The following AUTS2 variants were observed in gnomAD, a reference collection of about 807,000 sequenced individuals.
The protein encoded by AUTS2 is activator of transcription and developmental regulator AUTS2.
In AUTS2, 17 loss-of-function variants were observed where a neutral mutation model predicts 112.4. The ratio of observed to expected loss-of-function variants is 0.15; its 90% CI spans 0.10 to 0.23. AUTS2 has a LOEUF of 0.23. AUTS2 is among the 10% of genes least tolerant of loss of function. AUTS2 has a pLI of 1.00. For missense variants in AUTS2, 1,510 were observed against 1,701.6 expected, an observed-to-expected ratio of 0.89 and a Z score of 1.98; for synonymous variants, 751 against 702.7, an observed-to-expected ratio of 1.07 and a Z score of -1.09.
At chr7:70,478,762 A>G (rs1201861558) in intron 5 of AUTS2, among the ~76,000 whole-genome samples, 1 of 148,442 alleles carries the variant, frequency 6.7e-6, no homozygotes, top group Non-Finnish European at 1.5e-5. Context: ...TTTTTGCTCC[A>G]GTTTTTTATT....
chr7:70,567,602 C>G (rs1033912195), intron 5 of AUTS2, among the ~76,000 whole-genome samples: 1 of 152,198 alleles, frequency 6.6e-6, no homozygotes, highest in Non-Finnish European at 1.5e-5. Flanking sequence ...ACTTTTAAAG[C>G]CAGGGAACAC....
At chr7:70,232,352 C>T (rs561181968) in intron 4 of AUTS2, among the ~76,000 whole-genome samples, 45 of 151,870 alleles carry the variant, frequency 3.0e-4, no homozygotes, top group African/African-American at 1.1e-3. Context: ...AGCATACATA[C>T]GTACAGTTTT....
chr7:70,128,209 C>A (rs1806080503), intron 3 of AUTS2, among the ~76,000 whole-genome samples: 2 of 152,104 alleles, frequency 1.3e-5, no homozygotes, highest in African/African-American at 2.4e-5. Flanking sequence ...TTTATGAATT[C>A]TCCTGGATAT....
At chr7:70,327,005 C>T (rs577845942) in intron 4 of AUTS2, among the ~76,000 whole-genome samples, 2 of 150,744 alleles carry the variant, frequency 1.3e-5, no homozygotes, top group South Asian at 4.2e-4. Context: ...GCAACCTCCA[C>T]CTTCTGGGTT....
chr7:70,032,821 G>C (rs1472111395), intron 2 of AUTS2, among the ~76,000 whole-genome samples: 1 of 151,674 alleles, frequency 6.6e-6, no homozygotes, highest in Non-Finnish European at 1.5e-5. Context: ...TTACTTTATT[G>C]CCTGGTCACT....
chr7:69,995,796 C>T (rs923237440), intron 2 of AUTS2, among the ~76,000 whole-genome samples: 1 of 152,154 alleles, frequency 6.6e-6, no homozygotes, highest in Admixed American at 6.6e-5. Flanking sequence ...TCATGCTTGA[C>T]ACCCCAAAAT....
At chr7:69,675,707 A>G (rs1415524276) in intron 1 of AUTS2, among the ~76,000 whole-genome samples, 2 of 151,708 alleles carry the variant, frequency 1.3e-5, no homozygotes, top group Admixed American at 1.3e-4. Context: ...GGGTTTCTCT[A>G]TGCTGGCCAG....
intron 2 of AUTS2, among the ~76,000 whole-genome samples, chr7:70,005,399 G>T (rs1011009746): frequency 1.3e-5 from 2 of 152,140 alleles, no homozygotes; most frequent in African/African-American, 4.8e-5. Context: ...CTAGTGTCTG[G>T]CATGTAGTAG....
chr7:70,196,130 A>G (rs918941203), intron 4 of AUTS2, among the ~76,000 whole-genome samples: 44 of 152,168 alleles, frequency 2.9e-4, no homozygotes, highest in African/African-American at 7.7e-4. Flanking sequence ...GTGAGAGAAG[A>G]GGTCTGATCT....
chr7:70,170,437 A>G (rs1340170240), intron 4 of AUTS2, among the ~76,000 whole-genome samples: 1 of 152,012 alleles, frequency 6.6e-6, no homozygotes, highest in Non-Finnish European at 1.5e-5. Context: ...GATTACAGCC[A>G]CTGCGCCTAG....
At chr7:70,541,099 C>T (rs1016399669) in intron 5 of AUTS2, among the ~76,000 whole-genome samples, 4 of 152,184 alleles carry the variant, frequency 2.6e-5, no homozygotes, top group African/African-American at 7.2e-5. Context: ...TCTTATCCCT[C>T]CAGGCATTTG....
At chr7:70,380,387 A>T (rs191033751) in intron 4 of AUTS2, among the ~76,000 whole-genome samples, 8 of 152,306 alleles carry the variant, frequency 5.3e-5, no homozygotes, top group Admixed American at 5.2e-4. Context: ...TTCTTATTTC[A>T]TTTTGGTAGA....
intron 2 of AUTS2, among the ~76,000 whole-genome samples, chr7:70,002,329 A>C (rs894833988): frequency 5.3e-5 from 8 of 152,192 alleles, no homozygotes; most frequent in Non-Finnish European, 1.0e-4. Context: ...ATCAGTATTC[A>C]TAATTAATTT....
Position 70,169,745 on chromosome 7 carries a change from T to C in AUTS2, c.660+35174T>C, listed in dbSNP as rs141495237. ...TGATTTACTAATGCCTCAAACTCAT[T>C]TAAATATCTACCAATTCAACATATA... On this transcript the variant is annotated intron_variant, in intron 4 of 18. Coordinates refer to ENST00000342771, the MANE Select transcript of AUTS2 (RefSeq NM_015570.4). Among the ~76,000 whole-genome samples, 170 of 152,308 alleles carry C rather than the reference T, an allele frequency of 1.1e-3. 2 individuals are homozygous for C. The highest frequency in any genetic ancestry group is 1.7e-3 in the Non-Finnish European group (113 of 68,016).
chr7:70,089,475 T>A (rs1401025583), intron 2 of AUTS2, among the ~76,000 whole-genome samples: 5 of 152,144 alleles, frequency 3.3e-5, no homozygotes. Context: ...GCATTTAACC[T>A]ATTTGTGTCC....
chr7:70,439,988 ACT>A (rs778900274), intron 5 of AUTS2, among the ~76,000 whole-genome samples: 2 of 151,764 alleles, frequency 1.3e-5, no homozygotes, highest in Non-Finnish European at 2.9e-5. Flanking sequence ...CATGTTTCTG[ACT>A]CTGTCCATTT....
chr7:70,433,192 C>T (rs151072541), intron 4 of AUTS2, among the ~76,000 whole-genome samples: 2 of 152,268 alleles, frequency 1.3e-5, no homozygotes, highest in African/African-American at 2.4e-5. Context: ...ATAACCATTC[C>T]CAGGGACATA....
intron 1 of AUTS2, among the ~76,000 whole-genome samples, chr7:69,655,385 TTTG>T (rs144825985): frequency 0.71 from 107,706 of 151,428 alleles, 38,347 homozygotes; most frequent in East Asian, 0.78. Flanking sequence ...TTTCTAGTTT[TTTG>T]TTGTTGTTGT....
At chr7:70,234,706 C>T (rs1427407608) in intron 4 of AUTS2, among the ~76,000 whole-genome samples, 2 of 152,132 alleles carry the variant, frequency 1.3e-5, no homozygotes, top group Non-Finnish European at 2.9e-5. Flanking sequence ...TTGTATTGGG[C>T]TATTTGGGTG....
Sources: allele counts gnomAD v4.1 joint callset (sites outside exome capture counted in the v4.1 genomes callset), GRCh38; gene constraint gnomAD v4.1.1; transcripts MANE v1.5; gene names NCBI Gene and HGNC (gene_info 2026-07-23, HGNC 2026-07-21).